CRYL1: variants seen among roughly 807,000 people sequenced by gnomAD.
CRYL1 encodes crystallin lambda 1.
In CRYL1, 29 loss-of-function variants were observed where a neutral mutation model predicts 36.6. The observed-to-expected ratio is 0.79, with a 90% CI of 0.59 to 1.08. CRYL1 has a LOEUF of 1.08. CRYL1 is among the 50% of genes least tolerant of loss of function. The pLI is 0.00. For missense variants in CRYL1, 411 were observed against 407.9 expected, an observed-to-expected ratio of 1.01 and a Z score of -0.06; for synonymous variants, 152 against 151.5, an observed-to-expected ratio of 1.00 and a Z score of -0.02.
intron 5 of CRYL1, 60 bp from the exon 6 acceptor site, chr13:20,413,447 C>A (rs1046718917): frequency 9.7e-7 from 1 of 1,026,978 alleles, no homozygotes. Flanking sequence ...TCATGACCAC[C>A]ACTTCCATCC....
At chr13:20,473,395 G>T (rs1260825640) in intron 3 of CRYL1, among the ~76,000 whole-genome samples, 1 of 152,214 alleles carries the variant, frequency 6.6e-6, no homozygotes, top group Non-Finnish European at 1.5e-5. Context: ...ACAAACAAAT[G>T]AACAATTATT....
In CRYL1 at chr13:20,416,505, C is replaced by A. The variant is rs117228561; in HGVS notation, c.634-3118G>T. On this transcript the variant is annotated intron_variant, in intron 5 of 7. Coordinates refer to ENST00000298248, the MANE Select transcript of CRYL1 (RefSeq NM_015974.3). ...AGGCCTGGGCTGTGGCCCCTCGCAC[C>A]CCCGTGGGCTCTGGAATGCTGTGAA... Among the ~76,000 whole-genome samples the A allele has an allele frequency of 5.7e-3, 871 of 152,270 alleles. 5 individuals are homozygous for A. The highest frequency in any genetic ancestry group is 0.01 in the Non-Finnish European group (701 of 68,012).
At chr13:20,503,729 G>A (rs2033744363) in intron 2 of CRYL1, among the ~76,000 whole-genome samples, 1 of 152,154 alleles carries the variant, frequency 6.6e-6, no homozygotes, top group African/African-American at 2.4e-5. Flanking sequence ...AACAGTATGT[G>A]GGAAAACTAA....
chr13:20,443,574 G>T (rs1455831947), intron 3 of CRYL1, among the ~76,000 whole-genome samples: 2 of 151,940 alleles, frequency 1.3e-5, no homozygotes, highest in Non-Finnish European at 2.9e-5. Context: ...TGTATTTTTA[G>T]TAGAGACAGG....
chr13:20,410,705 T>C (rs1189705269), intron 6 of CRYL1, among the ~76,000 whole-genome samples: 1 of 152,206 alleles, frequency 6.6e-6, no homozygotes. Flanking sequence ...ATAACATATA[T>C]TAAGGACTTA....
intron 6 of CRYL1, among the ~76,000 whole-genome samples, chr13:20,405,012 G>A (rs1235931545): frequency 6.6e-6 from 1 of 152,194 alleles, no homozygotes; most frequent in African/African-American, 2.4e-5. Context: ...GCTCATGCCT[G>A]TAATCCCAGC....
intron 2 of CRYL1, among the ~76,000 whole-genome samples, chr13:20,507,313 G>T (rs2033810907): frequency 6.6e-6 from 1 of 152,106 alleles, no homozygotes; most frequent in South Asian, 2.1e-4. Flanking sequence ...AGTTTTATTG[G>T]AATACAACCA....
chr13:20,479,384 G>C (rs1034861920), intron 3 of CRYL1, among the ~76,000 whole-genome samples: 1 of 152,154 alleles, frequency 6.6e-6, no homozygotes, highest in Non-Finnish European at 1.5e-5. Context: ...CTTACATCTA[G>C]TAATTCCCTA....
intron 3 of CRYL1, among the ~76,000 whole-genome samples, chr13:20,477,637 C>A (rs1396845169): frequency 6.8e-6 from 1 of 147,236 alleles, no homozygotes; most frequent in Non-Finnish European, 1.5e-5. Flanking sequence ...TTTAATATTA[C>A]ATATTATCAT....
At chr13:20,479,246 C>T (rs753787318) in intron 3 of CRYL1, among the ~76,000 whole-genome samples, 16 of 152,218 alleles carry the variant, frequency 1.1e-4, no homozygotes, top group Non-Finnish European at 1.9e-4. Flanking sequence ...TTAATAATCA[C>T]TTTAAAGATC....
At chr13:20,443,909 A>G (rs1376276824) in intron 3 of CRYL1, among the ~76,000 whole-genome samples, 1 of 152,244 alleles carries the variant, frequency 6.6e-6, no homozygotes, top group Admixed American at 6.5e-5. Context: ...TCCTACTGCA[A>G]TCATAGCAAA....
chr13:20,513,292 G>A (rs1409099527), intron 1 of CRYL1, among the ~76,000 whole-genome samples: 1 of 152,102 alleles, frequency 6.6e-6, no homozygotes, highest in African/African-American at 2.4e-5. Flanking sequence ...ACCCGTTAGT[G>A]AACTTCCATT....
At chr13:20,459,903 A>G (rs1446771604) in intron 3 of CRYL1, among the ~76,000 whole-genome samples, 1 of 152,246 alleles carries the variant, frequency 6.6e-6, no homozygotes, top group Non-Finnish European at 1.5e-5. Flanking sequence ...AATCAAACAC[A>G]GGAAAATTAT....
chr13:20,420,701 T>TTTTTTTTTTTTTTTTTTTTTGTG lies in CRYL1; in HGVS notation c.634-7315_634-7314insCACAAAAAAAAAAAAAAAAAAAA. ...CTTTGACTTTTCTTTAAAATAGAGG[T>TTTTTTTTTTTTTTTTTTTTTGTG]TGTGTGTGTGTGTGTGTGTGTGTGT... On this transcript the variant is annotated intron_variant, in intron 5 of 7. Coordinates refer to ENST00000298248, the MANE Select transcript of CRYL1 (RefSeq NM_015974.3). 8.2e-4 allele frequency among the ~76,000 whole-genome samples: 18 copies of TTTTTTTTTTTTTTTTTTTTTGTG among 21,874 alleles called. 2 individuals are homozygous for TTTTTTTTTTTTTTTTTTTTTGTG. The highest frequency in any genetic ancestry group is 1.9e-3 in the Non-Finnish European group (14 of 7,322). The allele number at this position is 21,874 out of a possible 152,430, so 14.4% of individuals were successfully genotyped here. A position where few individuals can be genotyped will look rare whatever the true frequency, so the allele number is the denominator to read the frequency against.
chr13:20,496,316 G>A (rs1411776527), intron 2 of CRYL1, among the ~76,000 whole-genome samples: 2 of 152,182 alleles, frequency 1.3e-5, no homozygotes, highest in African/African-American at 4.8e-5. Context: ...AAGCTCTGCA[G>A]ATTGCACAAC....
intron 3 of CRYL1, among the ~76,000 whole-genome samples, chr13:20,447,220 A>T (rs1263769208): frequency 6.6e-6 from 1 of 152,228 alleles, no homozygotes; most frequent in Non-Finnish European, 1.5e-5. Context: ...GGACCAACAG[A>T]GTTTCTTTGT....
At chr13:20,511,471 C>T (rs1252918748) in intron 2 of CRYL1, among the ~76,000 whole-genome samples, 1 of 152,174 alleles carries the variant, frequency 6.6e-6, no homozygotes, top group East Asian at 1.9e-4. Flanking sequence ...CTTAACTTCT[C>T]TGTGTTCAAG....
At chr13:20,508,897 A>C in intron 2 of CRYL1, among the ~76,000 whole-genome samples, 1 of 134,936 alleles carries the variant, frequency 7.4e-6, no homozygotes, top group Admixed American at 8.0e-5. Context: ...AACTGACAAC[A>C]ACAACATTTT....
chr13:20,467,966 C>T (rs2032976460), intron 3 of CRYL1, among the ~76,000 whole-genome samples: 1 of 152,076 alleles, frequency 6.6e-6, no homozygotes, highest in Admixed American at 6.5e-5. Flanking sequence ...TGTTGTGAAC[C>T]TCACACTTAA....
Sources: gnomAD v4.1 joint callset for allele counts (sites outside exome capture counted in the v4.1 genomes callset) on GRCh38, gnomAD v4.1.1 for gene constraint, MANE v1.5 for transcripts, NCBI Gene and HGNC (gene_info 2026-07-23, HGNC 2026-07-21) for gene names.